Variants in EDEM3 observed in about 807,000 individuals in gnomAD.
EDEM3 encodes ER degradation-enhancing alpha-mannosidase-like protein 3.
Under a neutral mutation model 110.2 loss-of-function variants are expected in EDEM3, and 60 were observed. That is an observed-to-expected ratio of 0.54 (90% CI 0.44 to 0.67). The LOEUF (loss-of-function observed/expected upper bound fraction) is 0.67, where lower values mean the gene tolerates loss of function less well. Ranked by LOEUF, EDEM3 falls within the 30% of genes least tolerant of loss-of-function variation. The probability of loss-of-function intolerance (pLI) is 0.00; values close to 1 mark genes in which losing one functional copy is unlikely to be tolerated. For missense variants in EDEM3, 996 were observed against 1,121.0 expected, an observed-to-expected ratio of 0.89 and a Z score of 1.59; for synonymous variants, 352 against 382.9, an observed-to-expected ratio of 0.92 and a Z score of 0.94.
intron 12 of EDEM3, 134 bp from the exon 13 acceptor site, chr1:184,717,146 A>G: frequency 1.6e-6 from 1 of 620,998 alleles, no homozygotes. Context: ...ATTATATAGA[A>G]CTGAGTTCTG....
Position 184,732,832 on chromosome 1 carries a change from C to T in EDEM3, c.612+5G>A, listed in dbSNP as rs754099180. The T allele has an allele frequency of 6.2e-7, 1 of 1,609,602 alleles. No individual in the cohort carries two copies. Among genetic ancestry groups the T allele is most frequent in the Non-Finnish European group, 8.5e-7 (1 of 1,177,978 alleles). ...TAAAGACTCATATTTTTCAGAAGTA[C>T]TTACTCTTGGATAAGGAAGGCCACT... On this transcript the variant is annotated splice_donor_5th_base_variant and intron_variant, in intron 6 of 19. Coordinates refer to ENST00000318130, the MANE Select transcript of EDEM3 (RefSeq NM_025191.4).
rs1415686282 is a variant in EDEM3, at chr1:184,721,329, A to G, written c.911T>C (p.Val304Ala). 6.2e-7 allele frequency: 1 copy of G among 1,606,666 alleles called. No homozygotes were observed. Among genetic ancestry groups the G allele is most frequent in the Non-Finnish European group, 8.5e-7 (1 of 1,177,304 alleles). The change falls in exon 9 of 20, where the codon GTC becomes GCC. Residue 304 changes from valine to alanine, a missense_variant. Around this residue, in one of 5 missense-constraint regions of EDEM3, gnomAD observed 310 missense variants for 394.6 expected, o/e 0.79. Transcript: ENST00000318130. The part of the protein sequence containing the change: ...SYYEYLLKAY[V>A]LLGDDSFLER... ...CAGAAAACTGTCATCTCCAAGCAAG[A>G]CATAGGCTTTCAACAGATATTCATA...
intron 2 of EDEM3, among the ~76,000 whole-genome samples, chr1:184,740,332 C>T (rs576896199): frequency 1.1e-4 from 17 of 152,196 alleles, no homozygotes; most frequent in Admixed American, 7.9e-4. Context: ...TCACTTTGTA[C>T]GGTCTCACTA....
At chr1:184,698,037 C>T (rs1649420116) in intron 19 of EDEM3, among the ~76,000 whole-genome samples, 1 of 151,346 alleles carries the variant, frequency 6.6e-6, no homozygotes, top group African/African-American at 2.4e-5. Context: ...AGAAAAGACA[C>T]AGAATCTTAT....
chr1:184,719,577 T>C lies in EDEM3; in HGVS notation c.952-9A>G, dbSNP rs372369650. On this transcript the variant is annotated splice_polypyrimidine_tract_variant and intron_variant, in intron 9 of 19. Coordinates refer to ENST00000318130, the MANE Select transcript of EDEM3 (RefSeq NM_025191.4). ...ATTATGGCATCATAGTGCTAAAAGATCACAACATGTGTTCATGAAAGTTAG... is the reference window on the plus strand; with the variant it reads ...ATTATGGCATCATAGTGCTAAAAGACCACAACATGTGTTCATGAAAGTTAG... 4.6e-5 allele frequency: 75 copies of C among 1,613,098 alleles called. No individual in the cohort carries two copies. The East Asian group carries it at 1.6e-3, about 35-fold the overall frequency.
intron 18 of EDEM3, among the ~76,000 whole-genome samples, chr1:184,703,591 T>A (rs577751842): frequency 1.3e-5 from 2 of 152,318 alleles, no homozygotes; most frequent in South Asian, 2.1e-4. Flanking sequence ...ATAATAGTAG[T>A]AGAACTATTA....
At chr1:184,704,962 C>T (rs552463098) in intron 18 of EDEM3, among the ~76,000 whole-genome samples, 4 of 151,764 alleles carry the variant, frequency 2.6e-5, no homozygotes, top group East Asian at 1.9e-4. Flanking sequence ...CCCAGCTACT[C>T]GGGAGACTGA....
intron 11 of EDEM3, among the ~76,000 whole-genome samples, chr1:184,718,880 A>G (rs1450246062): frequency 6.6e-6 from 1 of 152,172 alleles, no homozygotes; most frequent in African/African-American, 2.4e-5. Context: ...AGTTAGGAAG[A>G]GTTGAGAAGA....
intron 15 of EDEM3, among the ~76,000 whole-genome samples, chr1:184,711,044 CCAAA>C (rs1010878571): frequency 7.2e-5 from 11 of 152,100 alleles, no homozygotes; most frequent in South Asian, 2.1e-4. Context: ...AAAATCAAAT[CCAAA>C]CAAACAAACA....
At chr1:184,719,743 A>G (rs1367383981) in intron 9 of EDEM3, among the ~76,000 whole-genome samples, 175 bp from the exon 10 acceptor site, 1 of 152,358 alleles carries the variant, frequency 6.6e-6, no homozygotes, top group Admixed American at 6.5e-5. Flanking sequence ...TCTAAAATAT[A>G]TATGTACTCC....
rs1223935937 is a variant in EDEM3 at position 184,754,819 on chromosome 1, C to A, written c.-173G>T. ...GAAGCCACCAAGCCGGTCCCCAGCGCCAGCGCTGCCACCGCCCTCCGCCCT... is the reference window on the plus strand; with the variant it reads ...GAAGCCACCAAGCCGGTCCCCAGCGACAGCGCTGCCACCGCCCTCCGCCCT... On this transcript the variant is annotated 5_prime_UTR_variant, in exon 1 of 20. Transcript: ENST00000318130. The A allele has an allele frequency of 9.2e-7, 1 of 1,082,306 alleles. No homozygotes were observed. Among genetic ancestry groups the A allele is most frequent in the South Asian group, 1.8e-5 (1 of 55,418 alleles). The allele number at this position is 1,082,306 out of a possible 1,614,324, so 67.0% of individuals were successfully genotyped here.
chr1:184,716,993 T>C lies in EDEM3; in HGVS notation c.1265A>G (p.Tyr422Cys), dbSNP rs753492325. 1.9e-6 allele frequency: 3 copies of C among 1,611,712 alleles called. No homozygotes were observed. Among genetic ancestry groups the C allele is most frequent in the Non-Finnish European group, 2.5e-6 (3 of 1,178,036 alleles). ...AATAAGTGTCTTCCCTACTTCAAGG[T>C]AGTAAGGATCTCCTGTAGCCTATTA... ...FLYKATGDPY[Y>C]LEVGKTLIEN... Residue 422 changes from tyrosine to cysteine, a missense_variant, in exon 13 of 20, where the codon TAC becomes TGC. Tyr to Cys is a radical substitution (Grantham distance 194, BLOSUM62 -2). This residue lies in a region of EDEM3 where 310 missense variants were observed against 394.6 expected (regional missense o/e 0.79). Coordinates refer to ENST00000318130, the MANE Select transcript of EDEM3 (RefSeq NM_025191.4).
At chr1:184,734,012 C>G (rs1307510922) in intron 5 of EDEM3, among the ~76,000 whole-genome samples, 1 of 152,148 alleles carries the variant, frequency 6.6e-6, no homozygotes, top group African/African-American at 2.4e-5. Flanking sequence ...TAACAACATA[C>G]AGATATTACC....
In EDEM3 at chr1:184,690,762, T is replaced by A. The variant is rs1192674512; in HGVS notation, c.*3301A>T. On this transcript the variant is annotated 3_prime_UTR_variant, in exon 20 of 20. Coordinates refer to ENST00000318130, the MANE Select transcript of EDEM3 (RefSeq NM_025191.4). ...GTAAATTGGGCTTTTAAAAATGTCT[T>A]TTATAAAATCTGAACATACAATATT... is the stretch of plus-strand genomic sequence containing the variant. The A allele has an allele frequency of 6.6e-6, 1 of 152,586 alleles. No homozygotes were observed. Among genetic ancestry groups the A allele is most frequent in the Non-Finnish European group, 1.5e-5 (1 of 68,000 alleles). 9.5% of individuals were successfully genotyped at this position (152,586 alleles called of 1,614,324 possible).
chr1:184,698,744 G>A (rs1649457520), intron 19 of EDEM3, among the ~76,000 whole-genome samples: 2 of 151,434 alleles, frequency 1.3e-5, no homozygotes, highest in South Asian at 4.2e-4. Flanking sequence ...AAGTCACCAG[G>A]GGCCAACTAA....
chr1:184,729,403 T>G (rs1651372552), intron 6 of EDEM3, among the ~76,000 whole-genome samples: 2 of 152,302 alleles, frequency 1.3e-5, no homozygotes, highest in South Asian at 4.1e-4. Context: ...AACCTTATAT[T>G]TTATGGATAT....
At chr1:184,738,456 T>A (rs1651953303) in intron 2 of EDEM3, among the ~76,000 whole-genome samples, 1 of 152,184 alleles carries the variant, frequency 6.6e-6, no homozygotes, top group Non-Finnish European at 1.5e-5. Context: ...GATTTCAATT[T>A]TTTTCTATAC....
intron 9 of EDEM3, 121 bp downstream of exon 9, chr1:184,721,164 TACTG>T: frequency 2.7e-6 from 2 of 731,716 alleles, no homozygotes; most frequent in Non-Finnish European, 4.5e-6. Context: ...CATCAGGAAA[TACTG>T]ACACAAAACC....
chr1:184,707,358 A>G (rs1419445504), intron 17 of EDEM3, among the ~76,000 whole-genome samples: 1 of 152,196 alleles, frequency 6.6e-6, no homozygotes, highest in Non-Finnish European at 1.5e-5. Context: ...GTTACTATAA[A>G]GATGTTTTAA....
Sources: allele counts gnomAD v4.1 joint callset (sites outside exome capture counted in the v4.1 genomes callset), GRCh38; gene constraint gnomAD v4.1.1; regional missense constraint gnomAD v4.1.1; transcripts MANE v1.5; gene names NCBI Gene and HGNC (gene_info 2026-07-23, HGNC 2026-07-21).